Variants in SLF1 observed in about 807,000 individuals in gnomAD.
SLF1 encodes the protein SMC5/6 complex localization factor 1.
In SLF1, 105 loss-of-function variants were observed where a neutral mutation model predicts 123.0. The ratio of observed to expected loss-of-function variants is 0.85; its 90% confidence interval spans 0.73 to 1.00. The LOEUF is 1.00. Ranked by LOEUF, SLF1 falls within the 50% of genes least tolerant of loss-of-function variation. SLF1 has a pLI of 0.00. For missense variants in SLF1, 1,239 were observed against 1,223.0 expected (o/e 1.01, Z -0.20); for synonymous variants, 434 against 406.6 (o/e 1.07, Z -0.81).
At chr5:94,639,712 A>G (rs1482566621) in intron 4 of SLF1, among the ~76,000 whole-genome samples, 1 of 152,250 alleles carries the variant, frequency 6.6e-6, no homozygotes, top group Non-Finnish European at 1.5e-5. Context: ...TAAGAAAATC[A>G]TAAGAGAAAA....
In SLF1 at chr5:94,692,102, A is replaced by G; in HGVS notation, c.2541A>G (p.Glu847=). 6 of 1,613,634 alleles carry G rather than the reference A, an allele frequency of 3.7e-6. No individual in the cohort carries two copies. The highest frequency in any genetic ancestry group is 1.7e-5 in the Admixed American group (1 of 59,948). Residue 847 remains glutamate, a synonymous_variant, in exon 20 of 21, where the codon GAA becomes GAG. Coordinates refer to ENST00000265140, the MANE Select transcript of SLF1 (RefSeq NM_032290.4). ...ATGCTGGCTGGACGCCTTTGCATGAAGCCTGTAACTATGGCAACACAGTGT... is the reference window on the plus strand; with the variant it reads ...ATGCTGGCTGGACGCCTTTGCATGAGGCCTGTAACTATGGCAACACAGTGT... The part of the protein sequence containing the change: ...KDNAGWTPLH[E]ACNYGNTVCV...
rs775168506 is a variant in SLF1, at chr5:94,665,902, G to A, written c.1410G>A (p.Leu470=). ...DTFSGRYFHI[L]SALLHLHPPW... Reference sequence around the variant, plus strand: ...TTTCTGGTCGATACTTTCATATATTGTCAGCTCTTCTTCACCTGCATCCTC... The same window carrying A: ...TTTCTGGTCGATACTTTCATATATTATCAGCTCTTCTTCACCTGCATCCTC... The change falls in exon 12 of 21, where the codon TTG becomes TTA. Residue 470 remains leucine, a synonymous_variant. Coordinates refer to ENST00000265140, the MANE Select transcript of SLF1 (RefSeq NM_032290.4). 6.5e-7 allele frequency: 1 copy of A among 1,549,458 alleles called. No individual in the cohort carries two copies. The highest frequency in any genetic ancestry group is 8.7e-7 in the Non-Finnish European group (1 of 1,145,102).
At position 94,692,157 on chromosome 5, in the gene SLF1, G is replaced by C; in HGVS notation, c.2596G>C (p.Glu866Gln). The change falls in exon 20 of 21, where the codon GAG becomes CAG. Residue 866 changes from glutamate (E) to glutamine (Q), a missense_variant. Coordinates refer to ENST00000265140, the MANE Select transcript of SLF1 (RefSeq NM_032290.4). ...CVQEILQRCP[E>Q]VDLLTQVDGV... ...CCAGGAAATTTTGCAACGTTGTCCAGAGGTAGATCTGCTCACTCAAGTGGA... is the reference window on the plus strand; with the variant it reads ...CCAGGAAATTTTGCAACGTTGTCCACAGGTAGATCTGCTCACTCAAGTGGA... 2 of 1,613,930 alleles carry C rather than the reference G, an allele frequency of 1.2e-6. No individual in the cohort carries two copies. Among genetic ancestry groups the C allele is most frequent in the Non-Finnish European group, 1.7e-6 (2 of 1,179,870 alleles).
chr5:94,632,195 C>T (rs1006636838), intron 4 of SLF1, among the ~76,000 whole-genome samples: 5 of 152,060 alleles, frequency 3.3e-5, no homozygotes, highest in Non-Finnish European at 7.4e-5. Flanking sequence ...TAACGAAAAT[C>T]AATTGACCAT....
chr5:94,666,004 T>C lies in SLF1; in HGVS notation c.1512T>C (p.Ser504=), dbSNP rs1749711583. ...CAACTTGTATGAAAGGAGCATGGTC[T>C]TTAGTAGAAGTCCTTATCAGGTAAG... is the stretch of plus-strand genomic sequence containing the variant. ...QCPTCMKGAW[S]LVEVLIRSCL... is the part of the protein sequence containing the mutation. Residue 504 remains serine (S), a synonymous_variant, in exon 12 of 21, where the codon TCT becomes TCC. Coordinates refer to ENST00000265140, the MANE Select transcript of SLF1 (RefSeq NM_032290.4). The C allele has an allele frequency of 6.5e-7, 1 of 1,550,384 alleles. No homozygotes were observed. Among genetic ancestry groups the C allele is most frequent in the African/African-American group, 1.4e-5 (1 of 73,024 alleles).
Position 94,665,868 on chromosome 5 carries a change from T to G in SLF1, c.1376T>G (p.Ile459Arg), listed in dbSNP as rs1749695096. The G allele has an allele frequency of 1.9e-6, 3 of 1,542,624 alleles. No individual in the cohort carries two copies. In the African/African-American group the frequency reaches 4.1e-5, roughly 21 times the overall value. Reference protein sequence around the residue: ...ALLENVLQDNIDTFSGRYFHI... With the variant: ...ALLENVLQDNRDTFSGRYFHI... ...TTTATTTTTAAATAATAGGATAACA[T>G]AGATACATTTTCTGGTCGATACTTT... is the stretch of plus-strand genomic sequence containing the variant. The change falls in exon 12 of 21, where the codon ATA (isoleucine) becomes AGA (arginine). Residue 459 changes from isoleucine (I) to arginine (R), a missense_variant. Transcript: ENST00000265140.
At chr5:94,653,122 G>A (rs148475294) in intron 7 of SLF1, 150 bp from the exon 8 acceptor site, 15,119 of 648,834 alleles carry the variant, frequency 0.023, 214 homozygotes, top group Middle Eastern at 0.037. Context: ...CTCCCAAAGT[G>A]CAGAGATTAC....
chr5:94,696,382 A>G lies in SLF1; in HGVS notation c.*1070A>G, dbSNP rs151193999. On this transcript the variant is annotated 3_prime_UTR_variant, in exon 21 of 21. Coordinates refer to ENST00000265140, the MANE Select transcript of SLF1 (RefSeq NM_032290.4). ...ACAAGATACAAATGCTCAGTATCAT[A>G]TTACTGGGTTTGTAATCTAAATTGA... 25 of 152,010 alleles carry G rather than the reference A, an allele frequency of 1.6e-4. No homozygotes were observed. The highest frequency in any genetic ancestry group is 5.8e-4 in the African/African-American group (24 of 41,540). 9.4% of individuals were successfully genotyped at this position (152,010 alleles called of 1,614,324 possible). A position where few individuals can be genotyped will look rare whatever the true frequency, so the allele number is the denominator to read the frequency against.
intron 6 of SLF1, among the ~76,000 whole-genome samples, chr5:94,651,046 T>C (rs1414320055): frequency 6.6e-6 from 1 of 152,244 alleles, no homozygotes; most frequent in Non-Finnish European, 1.5e-5. Flanking sequence ...TAGTATCTTA[T>C]AGTCCCATAA....
intron 1 of SLF1, among the ~76,000 whole-genome samples, chr5:94,628,135 A>G (rs1043499359): frequency 2.0e-5 from 3 of 151,176 alleles, no homozygotes; most frequent in Non-Finnish European, 2.9e-5. Flanking sequence ...CTGGCCAACA[A>G]TACTTTCTTT....
intron 14 of SLF1, 25 bp downstream of exon 14, chr5:94,671,033 A>T (rs748830677): frequency 6.9e-7 from 1 of 1,447,268 alleles, no homozygotes. Flanking sequence ...TTTATAGATG[A>T]ATAGTCTATG....
intron 15 of SLF1, among the ~76,000 whole-genome samples, chr5:94,682,042 G>C (rs150538347): frequency 1.3e-5 from 2 of 152,092 alleles, no homozygotes; most frequent in African/African-American, 4.8e-5. Context: ...GCATGTGCGC[G>C]TGTGCACATG....
Position 94,689,569 on chromosome 5 carries a change from A to G in SLF1, c.2382A>G (p.Val794=). Residue 794 remains valine, a synonymous_variant, in exon 18 of 21, where the codon GTA becomes GTG. Coordinates refer to ENST00000265140, the MANE Select transcript of SLF1 (RefSeq NM_032290.4). ...GTTCCAAGGAGAATTGCCCCTCTGT[A>G]GTTAAAAAGATGAATTTTCACAAGA... ...LSCSKENCPS[V]VKKMNFHKTN... 6.2e-7 allele frequency: 1 copy of G among 1,610,566 alleles called. No homozygotes were observed. The highest frequency in any genetic ancestry group is 1.1e-5 in the South Asian group (1 of 90,430).
At position 94,696,390 on chromosome 5, in the gene SLF1, GT is replaced by G. The variant is rs1174631691; in HGVS notation, c.*1081del. 6.6e-6 allele frequency: 1 copy of G among 151,766 alleles called. No homozygotes were observed. The highest frequency in any genetic ancestry group is 1.5e-5 in the Non-Finnish European group (1 of 67,808). 9.4% of individuals were successfully genotyped at this position (151,766 alleles called of 1,614,324 possible). ...CAAATGCTCAGTATCATATTACTGG[GT>G]TTGTAATCTAAATTGAAAACTGCTA... On this transcript the variant is annotated 3_prime_UTR_variant, in exon 21 of 21. Coordinates refer to ENST00000265140, the MANE Select transcript of SLF1 (RefSeq NM_032290.4).
At chr5:94,653,192 A>G in intron 7 of SLF1, 80 bp from the exon 8 acceptor site, 1 of 1,308,844 alleles carries the variant, frequency 7.6e-7, no homozygotes. Flanking sequence ...TGAAAGTATG[A>G]AAGTCACTCT....
intron 6 of SLF1, 33 bp from the exon 7 acceptor site, chr5:94,651,669 A>T: frequency 6.8e-7 from 1 of 1,469,680 alleles, no homozygotes; most frequent in Non-Finnish European, 9.0e-7. Flanking sequence ...TTTAATCCAC[A>T]GTCTTAACTA....
chr5:94,665,853 A>G lies in SLF1; in HGVS notation c.1369-8A>G, dbSNP rs1368014197. The G allele has an allele frequency of 6.5e-7, 1 of 1,532,622 alleles. No homozygotes were observed. The highest frequency in any genetic ancestry group is 2.0e-5 in the Admixed American group (1 of 50,338). The allele number at this position is 1,532,622 out of a possible 1,614,324, so 94.9% of individuals were successfully genotyped here. A position where few individuals can be genotyped will look rare whatever the true frequency, so the allele number is the denominator to read the frequency against. On this transcript the variant is annotated splice_polypyrimidine_tract_variant and splice_region_variant and intron_variant, in intron 11 of 20. Transcript: ENST00000265140. Reference sequence around the variant, plus strand: ...TGTTTTATTTGTTTGTTTATTTTTAAATAATAGGATAACATAGATACATTT... The same window carrying G: ...TGTTTTATTTGTTTGTTTATTTTTAGATAATAGGATAACATAGATACATTT...
Position 94,649,438 on chromosome 5 carries a change from T to A in SLF1, c.595-16T>A. ...ACACTTAGATGATTGCCTAAACCAT[T>A]TTTACATACATACAGAAAGAAATTC... On this transcript the variant is annotated splice_polypyrimidine_tract_variant and intron_variant, in intron 5 of 20. Coordinates refer to ENST00000265140, the MANE Select transcript of SLF1 (RefSeq NM_032290.4). The A allele has an allele frequency of 6.8e-7, 1 of 1,471,452 alleles. No individual in the cohort carries two copies. The highest frequency in any genetic ancestry group is 9.1e-7 in the Non-Finnish European group (1 of 1,095,438). The allele number at this position is 1,471,452 out of a possible 1,614,324, so 91.1% of individuals were successfully genotyped here. A position where few individuals can be genotyped will look rare whatever the true frequency, so the allele number is the denominator to read the frequency against.
chr5:94,620,652 C>G (rs541619368), intron 1 of SLF1, among the ~76,000 whole-genome samples: 1 of 151,936 alleles, frequency 6.6e-6, no homozygotes, highest in Admixed American at 6.6e-5. Context: ...AATAATAAAC[C>G]CTAAACAAAA....
Sources: gnomAD v4.1 joint callset for allele counts (sites outside exome capture counted in the v4.1 genomes callset) on GRCh38, gnomAD v4.1.1 for gene constraint, MANE v1.5 for transcripts, NCBI Gene and HGNC (gene_info 2026-07-23, HGNC 2026-07-21) for gene names.